PTPRD: variants seen among roughly 807,000 people sequenced by gnomAD.
PTPRD encodes receptor-type tyrosine-protein phosphatase delta.
In PTPRD, 34 loss-of-function variants were observed where a neutral mutation model predicts 214.5. The observed-to-expected ratio is 0.16, with a 90% CI of 0.12 to 0.21. PTPRD has a LOEUF of 0.21. Ranked by LOEUF, PTPRD falls within the 10% of genes least tolerant of loss-of-function variation. The pLI is 1.00. For missense variants in PTPRD, 2,545 were observed against 2,398.7 expected (o/e 1.06, Z -1.27); for synonymous variants, 1,128 against 845.7 (o/e 1.33, Z -5.79).
chr9:9,942,329 T>C (rs73643831), intron 4 of PTPRD, among the ~76,000 whole-genome samples: 3,970 of 152,262 alleles, frequency 0.026, 196 homozygotes, highest in African/African-American at 0.091. Context: ...AAAAAGCATC[T>C]TCATCATCTT....
chr9:8,410,923 T>C lies in PTPRD; in HGVS notation c.4087-6263A>G, dbSNP rs375891529. Among the ~76,000 whole-genome samples the C allele has an allele frequency of 7.2e-5, 11 of 152,238 alleles. No individual in the cohort carries two copies. The South Asian group carries it at 2.3e-3, about 32-fold the overall frequency. ...TTCATCCATGGCAAGTGAGTAAATA[T>C]CTGAGGTAAACTTTTGATAAACAAT... On this transcript the variant is annotated intron_variant, in intron 35 of 45. Transcript: ENST00000381196.
At chr9:9,643,754 G>A (rs1443548533) in intron 7 of PTPRD, among the ~76,000 whole-genome samples, 1 of 152,172 alleles carries the variant, frequency 6.6e-6, no homozygotes, top group African/African-American at 2.4e-5. Context: ...ATGAATGATT[G>A]TTCTTAGATA....
At chr9:9,091,626 A>G (rs2099776087) in intron 10 of PTPRD, among the ~76,000 whole-genome samples, 1 of 152,238 alleles carries the variant, frequency 6.6e-6, no homozygotes, top group Admixed American at 6.5e-5. Context: ...GTATTTGTGG[A>G]ATGAGAAGTA....
chr9:10,125,728 C>T lies in PTPRD; in HGVS notation c.-544-91938G>A, dbSNP rs1431116870. Among the ~76,000 whole-genome samples the T allele has an allele frequency of 2.6e-5, 4 of 151,656 alleles. No individual in the cohort carries two copies. In the South Asian group the frequency reaches 6.2e-4, roughly 24 times the overall value. On this transcript the variant is annotated intron_variant, in intron 3 of 45. Transcript: ENST00000381196. Reference sequence around the variant, plus strand: ...CGAACTCCTTTCCTCGGGATCCGCTCGCCTCAGCCTCCCAAAGTGCTGGGA... The same window carrying T: ...CGAACTCCTTTCCTCGGGATCCGCTTGCCTCAGCCTCCCAAAGTGCTGGGA...
chr9:8,785,041 A>T (rs2095881387), intron 11 of PTPRD, among the ~76,000 whole-genome samples: 1 of 152,104 alleles, frequency 6.6e-6, no homozygotes, highest in Admixed American at 6.5e-5. Flanking sequence ...GCCTTCTGAG[A>T]CTAATAAAAG....
At chr9:10,401,458 T>C (rs1026425811) in intron 2 of PTPRD, among the ~76,000 whole-genome samples, 4 of 150,998 alleles carry the variant, frequency 2.6e-5, no homozygotes, top group African/African-American at 9.7e-5. Context: ...AATTGGTTCC[T>C]ATGGCAAAAG....
rs1162709065 is a variant in PTPRD, at chr9:9,231,092, C to T, written c.-202-47729G>A. On this transcript the variant is annotated intron_variant, in intron 9 of 45. Coordinates refer to ENST00000381196, the MANE Select transcript of PTPRD (RefSeq NM_002839.4). ...AATGGGTGTTCTAACAAGTTAGGAA[C>T]AGAGTTAAAATGCCCGATTTTCATG... Among the ~76,000 whole-genome samples the T allele has an allele frequency of 2.0e-5, 3 of 152,114 alleles. No homozygotes were observed. The East Asian group carries it at 5.8e-4, about 30-fold the overall frequency.
chr9:9,117,376 A>G (rs1489110725), intron 10 of PTPRD, among the ~76,000 whole-genome samples: 1 of 152,158 alleles, frequency 6.6e-6, no homozygotes, highest in Admixed American at 6.6e-5. Flanking sequence ...TACCATTTTA[A>G]TAACTTAAAA....
At chr9:10,591,354 T>C (rs2075394711) in intron 2 of PTPRD, among the ~76,000 whole-genome samples, 1 of 152,090 alleles carries the variant, frequency 6.6e-6, no homozygotes, top group African/African-American at 2.4e-5. Context: ...ACCATGCCTG[T>C]ACTACTGGCA....
intron 8 of PTPRD, among the ~76,000 whole-genome samples, chr9:9,563,730 T>A (rs1255108918): frequency 6.6e-6 from 1 of 152,156 alleles, no homozygotes; most frequent in Non-Finnish European, 1.5e-5. Context: ...ATCCCATGCA[T>A]CCAATATATG....
At chr9:10,277,251 A>C (rs1194929264) in intron 3 of PTPRD, among the ~76,000 whole-genome samples, 1 of 152,222 alleles carries the variant, frequency 6.6e-6, no homozygotes, top group Admixed American at 6.5e-5. Context: ...AAACATAAAA[A>C]AAAAACAACA....
At chr9:9,810,392 T>C (rs1472602078) in intron 5 of PTPRD, among the ~76,000 whole-genome samples, 2 of 152,064 alleles carry the variant, frequency 1.3e-5, no homozygotes, top group African/African-American at 2.4e-5. Flanking sequence ...TTCAAAGGAC[T>C]GGTTTACTCT....
intron 14 of PTPRD, among the ~76,000 whole-genome samples, chr9:8,532,055 G>A (rs1307240681): frequency 2.6e-5 from 4 of 152,108 alleles, no homozygotes; most frequent in African/African-American, 2.4e-5. Flanking sequence ...AAAATGTAAA[G>A]AGCGTTCCTT....
At chr9:10,303,646 T>C (rs1164071682) in intron 3 of PTPRD, among the ~76,000 whole-genome samples, 2 of 152,076 alleles carry the variant, frequency 1.3e-5, no homozygotes, top group Non-Finnish European at 2.9e-5. Flanking sequence ...TGTAGGCAAA[T>C]AAACTAGAAA....
intron 7 of PTPRD, among the ~76,000 whole-genome samples, chr9:9,722,902 TG>T (rs1012711836): frequency 3.9e-5 from 6 of 152,140 alleles, no homozygotes; most frequent in African/African-American, 1.4e-4. Flanking sequence ...TGTCTTTTTA[TG>T]TTTGAGTTGA....
chr9:8,446,608 G>A (rs2095738503), intron 34 of PTPRD, among the ~76,000 whole-genome samples: 1 of 151,946 alleles, frequency 6.6e-6, no homozygotes, highest in African/African-American at 2.4e-5. Flanking sequence ...CAGAAGGTGT[G>A]GATTACTAAT....
At chr9:9,875,620 G>T (rs1600555313) in intron 5 of PTPRD, among the ~76,000 whole-genome samples, 2 of 152,136 alleles carry the variant, frequency 1.3e-5, no homozygotes, top group South Asian at 4.2e-4. Context: ...ATTATTGTAG[G>T]TTAACAATGT....
At chr9:10,114,198 A>C (rs1296193560) in intron 3 of PTPRD, among the ~76,000 whole-genome samples, 1 of 152,162 alleles carries the variant, frequency 6.6e-6, no homozygotes, top group Admixed American at 6.5e-5. Context: ...TATCACCCAC[A>C]ACCTGGCGAG....
chr9:9,889,414 A>G (rs538823151), intron 5 of PTPRD, among the ~76,000 whole-genome samples: 1 of 152,170 alleles, frequency 6.6e-6, no homozygotes, highest in Non-Finnish European at 1.5e-5. Context: ...TACAAATTTA[A>G]AAGTATTTAA....
Sources: gnomAD v4.1 joint callset for allele counts (sites outside exome capture counted in the v4.1 genomes callset) on GRCh38, gnomAD v4.1.1 for gene constraint, MANE v1.5 for transcripts, NCBI Gene and HGNC (gene_info 2026-07-23, HGNC 2026-07-21) for gene names.